TEKTIP1: variants seen among roughly 807,000 people sequenced by gnomAD.
TEKTIP1 encodes tektin bundle-interacting protein 1.
the TEKTIP1 span, chr19:3,541,769 G>A: frequency 2.0e-6 from 2 of 985,278 alleles, no homozygotes; most frequent in Non-Finnish European, 2.4e-6. Flanking sequence ...GGGGCCGACA[G>A]CAGGGGTGAG....
the TEKTIP1 span, chr19:3,542,345 C>T: frequency 2.6e-4 from 258 of 985,440 alleles, no homozygotes; most frequent in Middle Eastern, 4.2e-3. Flanking sequence ...CCGGGCTTTC[C>T]GTGCAGGGCA....
At chr19:3,542,914 G>GGAC in the TEKTIP1 span, 1 of 1,437,788 alleles carries the variant, frequency 7.0e-7, no homozygotes, top group Non-Finnish European at 9.4e-7. Context: ...GACAAGGACT[G>GGAC]TAGGAATCCA....
the TEKTIP1 span, chr19:3,542,589 T>G: frequency 1.3e-6 from 1 of 761,596 alleles, no homozygotes; most frequent in Non-Finnish European, 1.6e-6. Flanking sequence ...TTCTCCTGCC[T>G]CAGCCTCCTG....
chr19:3,540,472 G>A, the TEKTIP1 span, among the ~76,000 whole-genome samples: 1 of 150,984 alleles, frequency 6.6e-6, no homozygotes, highest in African/African-American at 2.4e-5. Flanking sequence ...TGGCCAGGAT[G>A]GTCTCGATCT....
chr19:3,541,447 T>G, the TEKTIP1 span: 4 of 148,432 alleles, frequency 2.7e-5, no homozygotes, highest in African/African-American at 9.8e-5. Flanking sequence ...CTCAGCCTCC[T>G]GAGTAGCTGG....
the TEKTIP1 span, among the ~76,000 whole-genome samples, chr19:3,540,450 G>T: frequency 3.3e-5 from 5 of 151,476 alleles, no homozygotes; most frequent in Non-Finnish European, 5.9e-5. Flanking sequence ...TAGAGACGGG[G>T]TTTCACCATG....
At chr19:3,541,620 G>A in the TEKTIP1 span, 1 of 984,288 alleles carries the variant, frequency 1.0e-6, no homozygotes, top group Non-Finnish European at 1.2e-6. Flanking sequence ...CGCACCCAGT[G>A]CAAGACCCTA....
At chr19:3,540,447 G>T in the TEKTIP1 span, among the ~76,000 whole-genome samples, 2 of 151,316 alleles carry the variant, frequency 1.3e-5, no homozygotes, top group Admixed American at 1.3e-4. Context: ...TAGTAGAGAC[G>T]GGGTTTCACC....
At chr19:3,543,025 G>C in the TEKTIP1 span, 132 of 1,606,356 alleles carry the variant, frequency 8.2e-5, no homozygotes, top group South Asian at 1.3e-3. Context: ...GGGGTGCGAT[G>C]TGTGGGGAGA....
chr19:3,542,405 G>A, the TEKTIP1 span: 2 of 985,430 alleles, frequency 2.0e-6, no homozygotes, highest in Non-Finnish European at 2.4e-6. Context: ...CAGCAACCTT[G>A]TTTTCTGGGA....
chr19:3,542,847 G>C, the TEKTIP1 span: 1 of 1,379,970 alleles, frequency 7.2e-7, no homozygotes, highest in Non-Finnish European at 9.7e-7. Context: ...TCTTCCTGGT[G>C]CACCTCCAGG....
chr19:3,543,346 A>G, the TEKTIP1 span: 2 of 1,549,530 alleles, frequency 1.3e-6, no homozygotes, highest in African/African-American at 1.4e-5. Context: ...TGTGGTACAC[A>G]GGCCTGACCA....
At chr19:3,542,480 C>G in the TEKTIP1 span, 1 of 984,422 alleles carries the variant, frequency 1.0e-6, no homozygotes, top group Non-Finnish European at 1.2e-6. Flanking sequence ...AGTCTCTTGT[C>G]TTTTTGTTTT....
At chr19:3,542,825 C>A in the TEKTIP1 span, 4 of 1,374,642 alleles carry the variant, frequency 2.9e-6, no homozygotes, top group South Asian at 3.4e-5. Flanking sequence ...TTAGTGCCAG[C>A]CCCAGACCAC....
the TEKTIP1 span, chr19:3,543,087 G>C: frequency 3.2e-6 from 5 of 1,566,956 alleles, no homozygotes; most frequent in Non-Finnish European, 4.3e-6. Flanking sequence ...AGGGGTACAG[G>C]GCTGAAGGAC....
At chr19:3,542,644 G>C in the TEKTIP1 span, 290 of 1,084,176 alleles carry the variant, frequency 2.7e-4, 1 homozygote, top group African/African-American at 4.6e-3. Context: ...ACCATGCCTG[G>C]CTTAATTTTC....
At chr19:3,540,480 T>G in the TEKTIP1 span, among the ~76,000 whole-genome samples, 1 of 150,852 alleles carries the variant, frequency 6.6e-6, no homozygotes, top group African/African-American at 2.4e-5. Context: ...ATGGTCTCGA[T>G]CTCCTGACCT....
the TEKTIP1 span, chr19:3,542,956 C>A: frequency 6.6e-7 from 1 of 1,518,892 alleles, no homozygotes. Context: ...CTCTCCCCTC[C>A]CTCTTCTCCA....
the TEKTIP1 span, chr19:3,543,421 C>A: frequency 1.1e-5 from 17 of 1,547,302 alleles, no homozygotes; most frequent in Non-Finnish European, 1.5e-5. Flanking sequence ...TCCGCGAGGC[C>A]TACAACCGCT....
Sources: allele counts gnomAD v4.1 joint callset (sites outside exome capture counted in the v4.1 genomes callset), GRCh38; gene constraint gnomAD v4.1.1; transcripts MANE v1.5; gene names NCBI Gene and HGNC (gene_info 2026-07-23, HGNC 2026-07-21).